The following ADPRHL1 variants were observed in gnomAD, a reference collection of about 807,000 sequenced individuals.
The protein encoded by ADPRHL1 is inactive ADP-ribosyltransferase ARH2.
A neutral mutation model predicts 44.1 loss-of-function variants in ADPRHL1; 43 were observed. The observed-to-expected ratio is 0.98, with a 90% CI of 0.76 to 1.26. The LOEUF (loss-of-function observed/expected upper bound fraction) is 1.26, where lower values mean the gene tolerates loss of function less well. Ranked by LOEUF, ADPRHL1 falls within the 50% of genes most tolerant of loss-of-function variation. ADPRHL1 has a pLI of 0.00. For synonymous variants in ADPRHL1, 878 were observed against 1,017.4 expected (o/e 0.86, Z 2.61); for missense variants, 2,022 against 2,496.9 (o/e 0.81, Z 4.05).
intron 7 of ADPRHL1, among the ~76,000 whole-genome samples, chr13:113,417,527 T>G (rs2043892871): frequency 6.6e-6 from 1 of 152,116 alleles, no homozygotes; most frequent in Non-Finnish European, 1.5e-5. Context: ...TCAGGCGCGG[T>G]CCCTGCCTTT....
rs74674723 is a variant in ADPRHL1, at chr13:113,400,776, T to C, written c.*2602A>G. 15,473 of 152,244 alleles carry C rather than the reference T, an allele frequency of 0.1. 1,215 individuals are homozygous for C. The highest frequency in any genetic ancestry group is 0.22 in the African/African-American group (9,236 of 41,502). 9.4% of individuals were successfully genotyped at this position (152,244 alleles called of 1,614,324 possible). A position where few individuals can be genotyped will look rare whatever the true frequency, so the allele number is the denominator to read the frequency against. On this transcript the variant is annotated 3_prime_UTR_variant, in exon 8 of 8. Transcript: ENST00000612156. ...GTCATGCTGGGCTGCATCTGGCACA[T>C]GGAGAGGACGGGCCAGTCGAGCAGG...
At chr13:113,419,998 G>T (rs939255437) in intron 7 of ADPRHL1, among the ~76,000 whole-genome samples, 5 of 152,100 alleles carry the variant, frequency 3.3e-5, no homozygotes, top group Non-Finnish European at 5.9e-5. Context: ...CAGCTCGGGG[G>T]GTGTGTGAGG....
chr13:113,437,192 G>A (rs1289455986), intron 2 of ADPRHL1, among the ~76,000 whole-genome samples: 1 of 139,396 alleles, frequency 7.2e-6, no homozygotes. Flanking sequence ...GGTGTACCCC[G>A]GGACCCAGCA....
At position 113,411,586 on chromosome 13, in the gene ADPRHL1, T is replaced by C. The variant is rs745320360; in HGVS notation, c.1062-3366A>G. On this transcript the variant is annotated intron_variant, in intron 7 of 7. Coordinates refer to ENST00000612156, the MANE Select transcript of ADPRHL1 (RefSeq NM_001394807.1). The stretch of plus-strand genomic sequence containing the variant: ...CAGCTCTTCAGCTGTCACAGCCGGC[T>C]TTCACCCCGCAGCGTGATCATCTGA... 8.7e-4 allele frequency among the ~76,000 whole-genome samples: 133 copies of C among 152,298 alleles called. 1 individual carries two copies. Among genetic ancestry groups the C allele is most frequent in the Non-Finnish European group, 9.1e-4 (62 of 68,022 alleles).
At chr13:113,415,917 T>C (rs1303498248) in intron 7 of ADPRHL1, among the ~76,000 whole-genome samples, 2 of 152,054 alleles carry the variant, frequency 1.3e-5, no homozygotes, top group African/African-American at 4.8e-5. Context: ...GAGAGATTAC[T>C]AAAGAATCTA....
Position 113,409,257 on chromosome 13 carries a change from C to T in ADPRHL1, c.1062-1037G>A, listed in dbSNP as rs951240396. The T allele has an allele frequency of 1.7e-5, 17 of 981,948 alleles. No homozygotes were observed. The African/African-American group carries it at 2.8e-4, about 16-fold the overall frequency. The allele number at this position is 981,948 out of a possible 1,614,324, so 60.8% of individuals were successfully genotyped here. A position where few individuals can be genotyped will look rare whatever the true frequency, so the allele number is the denominator to read the frequency against. The stretch of plus-strand genomic sequence containing the variant: ...AGCAGCCGTGACCACAGGAGCAAAG[C>T]TGGAAGGTCTCCCCATCTGTGGCAG... On this transcript the variant is annotated intron_variant, in intron 7 of 7. Transcript: ENST00000612156. This position sits in a 1 kb window ranked among gnomAD's most constrained non-coding sequence, Gnocchi z 4.2.
At chr13:113,430,772 C>T (rs1039927818) in intron 3 of ADPRHL1, among the ~76,000 whole-genome samples, 8 of 150,438 alleles carry the variant, frequency 5.3e-5, no homozygotes, top group South Asian at 2.1e-4. Flanking sequence ...CTAGTGGTGG[C>T]GGTGACAGTG....
chr13:113,438,121 A>T (rs1293448170), intron 2 of ADPRHL1, among the ~76,000 whole-genome samples: 1 of 152,054 alleles, frequency 6.6e-6, no homozygotes, highest in East Asian at 1.9e-4. Context: ...ATGAGCCACC[A>T]CGCCTGGCAG....
rs2139593493 is a variant in ADPRHL1, at chr13:113,405,667, A to G, written c.3615T>C (p.Ile1205=). ...GVALVQHPED[I]ATLARHPEDA... ...CCTCCGGGTGGCGGGCGAGGGTCGC[A>G]ATGTCCTCTGGGTGCTGGACGAGGG... The change falls in exon 8 of 8, where the codon ATT becomes ATC. Residue 1205 remains isoleucine (I), a synonymous_variant. Transcript: ENST00000612156. 1 of 1,232,846 alleles carries G rather than the reference A, an allele frequency of 8.1e-7. No individual in the cohort carries two copies. Among genetic ancestry groups the G allele is most frequent in the East Asian group, 3.2e-5 (1 of 31,724 alleles). 76.4% of individuals were successfully genotyped at this position (1,232,846 alleles called of 1,614,324 possible). A position where few individuals can be genotyped will look rare whatever the true frequency, so the allele number is the denominator to read the frequency against.
intron 7 of ADPRHL1, chr13:113,422,357 T>C (rs1050521018): frequency 9.7e-6 from 1 of 103,000 alleles, no homozygotes; most frequent in Non-Finnish European, 1.8e-5. Flanking sequence ...ACTGTGGACA[T>C]GGGAGGGTGG....
intron 1 of ADPRHL1, among the ~76,000 whole-genome samples, chr13:113,450,408 T>C (rs2044170547): frequency 6.6e-6 from 1 of 152,126 alleles, no homozygotes; most frequent in Admixed American, 6.5e-5. Context: ...TCTCCCTGTG[T>C]GCAGTGACGA....
chr13:113,433,990 G>A, intron 2 of ADPRHL1, 123 bp from the exon 3 acceptor site: 1 of 1,370,696 alleles, frequency 7.3e-7, no homozygotes, highest in Non-Finnish European at 9.5e-7. Context: ...ATCAGAGTGT[G>A]GTTTAAATGA....
chr13:113,426,958 A>G (rs951872409), intron 4 of ADPRHL1, among the ~76,000 whole-genome samples: 6 of 152,206 alleles, frequency 3.9e-5, no homozygotes, highest in Admixed American at 1.3e-4. Flanking sequence ...ACGGGACTTA[A>G]CGATCTCTGG....
intron 4 of ADPRHL1, among the ~76,000 whole-genome samples, chr13:113,428,226 G>A (rs540052983): frequency 3.2e-5 from 4 of 126,100 alleles, no homozygotes; most frequent in South Asian, 2.7e-4. Flanking sequence ...CCTGGGTGAC[G>A]AGCCAGATTC....
At position 113,453,259 on chromosome 13, in the gene ADPRHL1, A is replaced by G. The variant is rs947688222; in HGVS notation, c.179T>C (p.Ile60Thr). The G allele has an allele frequency of 5.6e-6, 9 of 1,614,130 alleles. No individual in the cohort carries two copies. Among genetic ancestry groups the G allele is most frequent in the Non-Finnish European group, 7.6e-6 (9 of 1,180,014 alleles). Residue 60 changes from isoleucine to threonine, a missense_variant, in exon 1 of 8, where the codon ATC becomes ACC. Ile to Thr is a moderately conservative substitution (Grantham distance 89). Around this residue, in one of 8 missense-constraint regions of ADPRHL1, gnomAD observed 437 missense variants for 430.7 expected, o/e 1.01. Coordinates refer to ENST00000612156, the MANE Select transcript of ADPRHL1 (RefSeq NM_001394807.1). The surrounding 1 kb of genome is among the most constrained non-coding windows in gnomAD (Gnocchi z 5.4). ...GGCCTCGGCGGTTGCGATGTGCATG[A>G]TGGTGTTGTCACTCACGGGCCATTC... ...PGEWPVSDNT[I>T]MHIATAEALT...
rs1445291818 is a variant in ADPRHL1 at position 113,418,986 on chromosome 13, CCCTCCCTCCCTCCCTT to C, written c.1061+3824_1061+3839del. ...ATAATGTGCCCTCTTTTCCTTCCCT[CCCTCCCTCCCTCCCTT>C]CCTCCCTCCCTTCCTTCCTTTCTTC... On this transcript the variant is annotated intron_variant, in intron 7 of 7. Coordinates refer to ENST00000612156, the MANE Select transcript of ADPRHL1 (RefSeq NM_001394807.1). 9.2e-4 allele frequency among the ~76,000 whole-genome samples: 135 copies of C among 146,700 alleles called. 1 individual carries two copies. Among genetic ancestry groups the C allele is most frequent in the African/African-American group, 2.7e-3 (105 of 39,384 alleles).
chr13:113,436,228 G>A (rs1235380341), intron 2 of ADPRHL1, among the ~76,000 whole-genome samples: 11 of 151,412 alleles, frequency 7.3e-5, no homozygotes, highest in African/African-American at 2.7e-4. Flanking sequence ...TGTACCCCGG[G>A]ACCCGGCACC....
chr13:113,406,688 C>T lies in ADPRHL1; in HGVS notation c.2594G>A (p.Ser865Asn). 1 of 1,231,990 alleles carries T rather than the reference C, an allele frequency of 8.1e-7. No homozygotes were observed. The highest frequency in any genetic ancestry group is 1.0e-6 in the Non-Finnish European group (1 of 987,968). The allele number at this position is 1,231,990 out of a possible 1,614,324, so 76.3% of individuals were successfully genotyped here. A position where few individuals can be genotyped will look rare whatever the true frequency, so the allele number is the denominator to read the frequency against. Residue 865 changes from serine to asparagine, a missense_variant, in exon 8 of 8, where the codon AGT becomes AAT. Physicochemically the swap from Ser to Asn is conservative, Grantham distance 46 (BLOSUM62 1). Transcript: ENST00000612156. ...ACAAATACAAGGTTTGTTTTCACCACTTGACATATTTTGCAGCCTGGTGGG... is the reference window on the plus strand; with the variant it reads ...ACAAATACAAGGTTTGTTTTCACCATTTGACATATTTTGCAGCCTGGTGGG... ...APPTRLQNMS[S>N]GENKPCICGG...
chr13:113,433,189 T>TG (rs2044019610), intron 3 of ADPRHL1, among the ~76,000 whole-genome samples: 1 of 152,176 alleles, frequency 6.6e-6, no homozygotes, highest in Non-Finnish European at 1.5e-5. Context: ...CTGTGGCCCG[T>TG]GGGGTGGAGC....
Sources: allele counts gnomAD v4.1 joint callset (sites outside exome capture counted in the v4.1 genomes callset), GRCh38; gene constraint gnomAD v4.1.1; regional missense constraint gnomAD v4.1.1; non-coding constraint Gnocchi (gnomAD v3.1); transcripts MANE v1.5; gene names NCBI Gene and HGNC (gene_info 2026-07-23, HGNC 2026-07-21).